DYNC1I1: variants seen among roughly 807,000 people sequenced by gnomAD.
DYNC1I1 encodes cytoplasmic dynein 1 intermediate chain 1.
A neutral mutation model predicts 86.6 loss-of-function variants in DYNC1I1; 43 were observed. That is an observed-to-expected ratio of 0.50 (90% confidence interval 0.39 to 0.64). The LOEUF is 0.64. Ranked by LOEUF, DYNC1I1 falls within the 30% of genes least tolerant of loss-of-function variation. The pLI, the probability that DYNC1I1 is intolerant of heterozygous loss-of-function variation, is 0.00. For synonymous variants in DYNC1I1, 262 were observed against 283.7 expected, an observed-to-expected ratio of 0.92 and a Z score of 0.77; for missense variants, 604 against 788.8, an observed-to-expected ratio of 0.77 and a Z score of 2.81.
chr7:95,839,565 T>A (rs1789220373), intron 5 of DYNC1I1, among the ~76,000 whole-genome samples: 1 of 152,206 alleles, frequency 6.6e-6, no homozygotes, highest in Admixed American at 6.5e-5. Flanking sequence ...TCATTTGTCT[T>A]TTTACTTTTA....
At chr7:95,966,445 C>A (rs1216615403) in intron 6 of DYNC1I1, among the ~76,000 whole-genome samples, 2 of 152,078 alleles carry the variant, frequency 1.3e-5, no homozygotes, top group Non-Finnish European at 2.9e-5. Context: ...TAATAGAGGG[C>A]CTGTTATCCC....
chr7:95,950,499 T>C (rs1792523534), intron 6 of DYNC1I1, among the ~76,000 whole-genome samples: 1 of 152,228 alleles, frequency 6.6e-6, no homozygotes, highest in Non-Finnish European at 1.5e-5. Context: ...ATAATTTGTC[T>C]GTTCAATATG....
At chr7:95,858,029 T>C (rs2116104608) in intron 5 of DYNC1I1, among the ~76,000 whole-genome samples, 1 of 152,322 alleles carries the variant, frequency 6.6e-6, no homozygotes, top group South Asian at 2.1e-4. Context: ...GAAGATTTTT[T>C]CATATCTGAT....
chr7:95,817,247 A>C (rs575186026), intron 4 of DYNC1I1, among the ~76,000 whole-genome samples: 5 of 152,096 alleles, frequency 3.3e-5, no homozygotes, highest in East Asian at 1.9e-4. Context: ...AGAATGAACT[A>C]TATAATTCTG....
At chr7:95,948,987 A>G (rs577996409) in intron 6 of DYNC1I1, among the ~76,000 whole-genome samples, 5 of 152,188 alleles carry the variant, frequency 3.3e-5, no homozygotes, top group Non-Finnish European at 7.3e-5. Flanking sequence ...CTTTGAGACC[A>G]TAAAGTTTCC....
At chr7:96,042,512 A>C (rs1316926317) in intron 14 of DYNC1I1, among the ~76,000 whole-genome samples, 4 of 152,204 alleles carry the variant, frequency 2.6e-5, no homozygotes, top group Non-Finnish European at 5.9e-5. Context: ...CGGAGCAGGA[A>C]ATTTATAAAA....
intron 10 of DYNC1I1, among the ~76,000 whole-genome samples, chr7:96,027,214 G>A (rs1027829859): frequency 6.6e-6 from 1 of 152,052 alleles, no homozygotes; most frequent in African/African-American, 2.4e-5. Flanking sequence ...ACCATTCCTG[G>A]TACAGTGCCT....
intron 7 of DYNC1I1, 37 bp from the exon 8 acceptor site, chr7:95,984,778 C>A: frequency 1.3e-6 from 2 of 1,544,650 alleles, no homozygotes; most frequent in South Asian, 1.2e-5. Context: ...TTTTTCTTCC[C>A]TAACAATCTC....
At chr7:95,776,687 A>G (rs1372936138) in intron 1 of DYNC1I1, among the ~76,000 whole-genome samples, 1 of 152,198 alleles carries the variant, frequency 6.6e-6, no homozygotes, top group Non-Finnish European at 1.5e-5. Flanking sequence ...GGCTATCAGG[A>G]CATTTTTGTG....
intron 5 of DYNC1I1, among the ~76,000 whole-genome samples, chr7:95,835,497 G>T (rs1158163882): frequency 6.6e-6 from 1 of 151,486 alleles, no homozygotes; most frequent in Non-Finnish European, 1.5e-5. Context: ...TCTGCTTGGT[G>T]CAGAGCTGAG....
At chr7:96,041,916 G>T (rs1384760442) in intron 14 of DYNC1I1, among the ~76,000 whole-genome samples, 2 of 151,938 alleles carry the variant, frequency 1.3e-5, no homozygotes, top group African/African-American at 4.8e-5. Flanking sequence ...AAAAGAAAAT[G>T]AAATAAATTT....
chr7:95,858,809 G>C (rs1789795332), intron 5 of DYNC1I1, among the ~76,000 whole-genome samples: 1 of 150,460 alleles, frequency 6.6e-6, no homozygotes, highest in Non-Finnish European at 1.5e-5. Context: ...AAACTCCTGA[G>C]ACTCAAAATT....
intron 16 of DYNC1I1, among the ~76,000 whole-genome samples, chr7:96,107,389 T>C (rs1791232861): frequency 6.6e-6 from 1 of 152,148 alleles, no homozygotes. Context: ...TAGGTTATTA[T>C]ATCTTTCTGA....
intron 6 of DYNC1I1, among the ~76,000 whole-genome samples, chr7:95,896,341 G>A (rs939835866): frequency 6.6e-6 from 1 of 152,112 alleles, no homozygotes; most frequent in African/African-American, 2.4e-5. Context: ...AAAATATGAG[G>A]CAAAAGGGTA....
rs184314721 is a variant in DYNC1I1 at position 95,961,618 on chromosome 7, A to G, written c.491-15894A>G. ...AAATCCTCCCTGTATAGTAGGAGGT[A>G]ATATTTTGAAACCTTGAAGGTTCAA... On this transcript the variant is annotated intron_variant, in intron 6 of 16. Coordinates refer to ENST00000447467, the MANE Select transcript of DYNC1I1 (RefSeq NM_001135556.2). Among the ~76,000 whole-genome samples, 1,184 of 152,272 alleles carry G rather than the reference A, an allele frequency of 7.8e-3. 5 individuals are homozygous for G. Among genetic ancestry groups the G allele is most frequent in the Non-Finnish European group, 0.013 (855 of 68,014 alleles).
intron 5 of DYNC1I1, among the ~76,000 whole-genome samples, chr7:95,854,962 G>A (rs961254301): frequency 2.0e-5 from 3 of 152,184 alleles, no homozygotes; most frequent in Admixed American, 6.5e-5. Context: ...GTAGGTTACA[G>A]TCTATTTACA....
intron 6 of DYNC1I1, among the ~76,000 whole-genome samples, chr7:95,945,086 TAAAA>T (rs960553590): frequency 2.6e-5 from 4 of 151,590 alleles, no homozygotes; most frequent in African/African-American, 4.8e-5. Flanking sequence ...TAAAATAAAA[TAAAA>T]AACCATTTTT....
chr7:95,931,555 C>T (rs1419251906), intron 6 of DYNC1I1, among the ~76,000 whole-genome samples: 1 of 152,208 alleles, frequency 6.6e-6, no homozygotes, highest in Non-Finnish European at 1.5e-5. Context: ...ATATTCCTTT[C>T]ATCAGACTAG....
chr7:95,999,839 A>G (rs1200397668), intron 10 of DYNC1I1, among the ~76,000 whole-genome samples: 1 of 152,146 alleles, frequency 6.6e-6, no homozygotes, highest in East Asian at 1.9e-4. Flanking sequence ...GTTCAATTGT[A>G]AAGTTTATTT....
Sources: allele counts gnomAD v4.1 joint callset (sites outside exome capture counted in the v4.1 genomes callset), GRCh38; gene constraint gnomAD v4.1.1; transcripts MANE v1.5; gene names NCBI Gene and HGNC (gene_info 2026-07-23, HGNC 2026-07-21).